The following PHACTR3 variants were observed in gnomAD, a reference collection of about 807,000 sequenced individuals.
PHACTR3 encodes protein phosphatase 1, regulatory subunit 123.
In PHACTR3, 16 loss-of-function variants were observed where a neutral mutation model predicts 66.8. That is an observed-to-expected ratio of 0.24 (90% CI 0.16 to 0.36). PHACTR3 has a LOEUF of 0.36. PHACTR3 is among the 10% of genes least tolerant of loss of function. The probability of loss-of-function intolerance (pLI) is 1.00; values close to 1 mark genes in which losing one functional copy is unlikely to be tolerated. For missense variants in PHACTR3, 647 were observed against 719.9 expected (o/e 0.90, Z 1.16); for synonymous variants, 323 against 292.1 (o/e 1.11, Z -1.08).
intron 7 of PHACTR3, among the ~76,000 whole-genome samples, chr20:59,775,408 A>G (rs1476523092): frequency 2.0e-5 from 3 of 152,246 alleles, no homozygotes; most frequent in Middle Eastern, 3.4e-3. Context: ...GGGAGCAGGA[A>G]AGGGCATCAG....
In PHACTR3 at chr20:59,740,446, C is replaced by T. The variant is rs2039112235; in HGVS notation, c.119-2661C>T. On this transcript the variant is annotated intron_variant, in intron 1 of 12. Transcript: ENST00000371015. ...GTCTCCGACTCTTAAGTAGCATGCACCACCATGCCTGGGGAATTTCCAAAA... is the reference window on the plus strand; with the variant it reads ...GTCTCCGACTCTTAAGTAGCATGCATCACCATGCCTGGGGAATTTCCAAAA... 1.3e-5 allele frequency among the ~76,000 whole-genome samples: 2 copies of T among 152,004 alleles called. 1 individual carries two copies. Among genetic ancestry groups the T allele is most frequent in the Non-Finnish European group, 2.9e-5 (2 of 67,962 alleles).
rs2038959115 is a variant in PHACTR3 at position 59,736,699 on chromosome 20, G to A, written c.119-6408G>A. On this transcript the variant is annotated intron_variant, in intron 1 of 12. Transcript: ENST00000371015. This position sits in a 1 kb window ranked among gnomAD's most constrained non-coding sequence, Gnocchi z 4.6. ...ACCACACCTGCCCCGCTGTACACCT[G>A]CAGTGATGGGCTCATGTCCTCTGCC... Among the ~76,000 whole-genome samples, 1 of 152,182 alleles carries A rather than the reference G, an allele frequency of 6.6e-6. No individual in the cohort carries two copies. Among genetic ancestry groups the A allele is most frequent in the African/African-American group, 2.4e-5 (1 of 41,456 alleles).
intron 4 of PHACTR3, among the ~76,000 whole-genome samples, 188 bp from the exon 5 acceptor site, chr20:59,766,998 T>C (rs1013630228): frequency 2.6e-5 from 4 of 152,206 alleles, no homozygotes; most frequent in African/African-American, 9.6e-5. Flanking sequence ...CCTCTCTCCA[T>C]ATTCCTCTCT....
Position 59,755,244 on chromosome 20 carries a change from A to G in PHACTR3, c.421A>G (p.Thr141Ala). ...GPRSVQSEPP[T>A]PKSETLTSED... is the part of the protein sequence containing the mutation. ...CCGATCTGTACAGAGTGAACCACCCACTCCCAAGTCGGAGACGCTGACTTC... is the reference window on the plus strand; with the variant it reads ...CCGATCTGTACAGAGTGAACCACCCGCTCCCAAGTCGGAGACGCTGACTTC... The change falls in exon 4 of 13, where the codon ACT becomes GCT. Residue 141 changes from threonine (T) to alanine (A), a missense_variant. Around this residue, in one of 2 missense-constraint regions of PHACTR3, gnomAD observed 577 missense variants for 571.1 expected, o/e 1.01. Transcript: ENST00000371015. 6.2e-7 allele frequency: 1 copy of G among 1,613,872 alleles called. No homozygotes were observed. Among genetic ancestry groups the G allele is most frequent in the Non-Finnish European group, 8.5e-7 (1 of 1,180,020 alleles).
chr20:59,847,168 G>A lies in PHACTR3; in HGVS notation c.*38G>A. ...GAGAAGAATTTGTGTTTAATTTTTTGATACCAACACTGAACATTCATCAGG... is the reference window on the plus strand; with the variant it reads ...GAGAAGAATTTGTGTTTAATTTTTTAATACCAACACTGAACATTCATCAGG... On this transcript the variant is annotated 3_prime_UTR_variant, in exon 13 of 13. Transcript: ENST00000371015. The A allele has an allele frequency of 6.8e-7, 1 of 1,462,902 alleles. No individual in the cohort carries two copies. The allele number at this position is 1,462,902 out of a possible 1,614,324, so 90.6% of individuals were successfully genotyped here.
At chr20:59,767,479 C>A in intron 5 of PHACTR3, 84 bp downstream of exon 5, 2 of 1,401,380 alleles carry the variant, frequency 1.4e-6, no homozygotes, top group Admixed American at 2.0e-5. Context: ...ACCCATCCAT[C>A]ATCTATCTAT....
At chr20:59,615,642 G>A (rs764669316) in intron 1 of PHACTR3, among the ~76,000 whole-genome samples, 20 of 152,158 alleles carry the variant, frequency 1.3e-4, no homozygotes, top group African/African-American at 2.2e-4. Flanking sequence ...TGGCAGGGTC[G>A]AAGGTCCAGG....
chr20:59,835,909 C>G (rs1229855380), intron 8 of PHACTR3: 1 of 152,318 alleles, frequency 6.6e-6, no homozygotes, highest in Non-Finnish European at 1.5e-5. Context: ...TGCTTGCTGA[C>G]AAGAGGCGGG....
intron 4 of PHACTR3, among the ~76,000 whole-genome samples, chr20:59,759,232 G>A (rs909545058): frequency 1.3e-5 from 2 of 152,160 alleles, no homozygotes; most frequent in Non-Finnish European, 2.9e-5. Flanking sequence ...GGGACCCTGC[G>A]CCAGGGACAT....
intron 1 of PHACTR3, among the ~76,000 whole-genome samples, chr20:59,641,244 GTCTC>G (rs780455331): frequency 2.6e-4 from 40 of 151,822 alleles, no homozygotes; most frequent in Admixed American, 5.9e-4. Flanking sequence ...ATGTATGTAT[GTCTC>G]TCTCTCTCTA....
rs1444634588 is a variant in PHACTR3 at position 59,840,406 on chromosome 20, A to T, written c.1422A>T (p.Glu474Asp). The T allele has an allele frequency of 6.2e-7, 1 of 1,613,386 alleles. No individual in the cohort carries two copies. The highest frequency in any genetic ancestry group is 8.5e-7 in the Non-Finnish European group (1 of 1,179,432). Residue 474 changes from glutamate (E) to aspartate (D), a missense_variant, in exon 10 of 13, where the codon GAA (glutamate) becomes GAT (aspartate). Glu to Asp is a conservative substitution (Grantham distance 45, BLOSUM62 2). Coordinates refer to ENST00000371015, the MANE Select transcript of PHACTR3 (RefSeq NM_080672.5). Reference protein sequence around the residue: ...NDQTEQEERREIKQRLTRKLN... With the variant: ...NDQTEQEERRDIKQRLTRKLN... ...AGACAGAGCAGGAAGAAAGAAGAGA[A>T]ATCAAGCAAAGATTGACAAGAAAGG...
In PHACTR3 at chr20:59,841,193, G is replaced by T. The variant is rs1209014005; in HGVS notation, c.1447-202G>T. 3.9e-5 allele frequency among the ~76,000 whole-genome samples: 6 copies of T among 152,238 alleles called. No individual in the cohort carries two copies. The East Asian group carries it at 9.7e-4, about 25-fold the overall frequency. ...TGACTCCTTCTGATAAAATATGTTG[G>T]AGGAAGGGGGATTGTGATTTAAGAG... On this transcript the variant is annotated intron_variant, in intron 10 of 12. Coordinates refer to ENST00000371015, the MANE Select transcript of PHACTR3 (RefSeq NM_080672.5).
chr20:59,584,854 CTTA>C (rs1043463497), intron 1 of PHACTR3, among the ~76,000 whole-genome samples: 3 of 152,322 alleles, frequency 2.0e-5, no homozygotes, highest in Admixed American at 1.3e-4. Context: ...CCTGTAAGCT[CTTA>C]TTGTCCAAAT....
intron 1 of PHACTR3, among the ~76,000 whole-genome samples, chr20:59,587,224 TAG>T (rs764981758): frequency 6.6e-6 from 1 of 152,186 alleles, no homozygotes; most frequent in African/African-American, 2.4e-5. Context: ...TTCCCTTTGT[TAG>T]AGTCTTGAGT....
At chr20:59,683,972 G>A (rs1200731029) in intron 1 of PHACTR3, among the ~76,000 whole-genome samples, 1 of 152,190 alleles carries the variant, frequency 6.6e-6, no homozygotes, top group African/African-American at 2.4e-5. Context: ...TTTCTGAAAG[G>A]CAAACTGCAA....
At chr20:59,644,535 G>T (rs1267759908) in intron 1 of PHACTR3, among the ~76,000 whole-genome samples, 1 of 152,162 alleles carries the variant, frequency 6.6e-6, no homozygotes, top group East Asian at 1.9e-4. Context: ...GGGACTCCAG[G>T]GTCTAGCACT....
chr20:59,652,715 G>A (rs751381016), intron 1 of PHACTR3, among the ~76,000 whole-genome samples: 4 of 151,104 alleles, frequency 2.6e-5, no homozygotes, highest in Admixed American at 6.6e-5. Context: ...TTTTTTCATC[G>A]AGATTAGCAT....
chr20:59,623,680 G>T (rs953646429), intron 1 of PHACTR3, among the ~76,000 whole-genome samples: 6 of 152,176 alleles, frequency 3.9e-5, no homozygotes, highest in African/African-American at 1.4e-4. Context: ...CCAGATGAAG[G>T]TGGGGTGGGG....
intron 1 of PHACTR3, among the ~76,000 whole-genome samples, chr20:59,671,656 A>T (rs541941667): frequency 2.6e-5 from 4 of 152,318 alleles, no homozygotes; most frequent in African/African-American, 9.6e-5. Context: ...TTGCCAGGCT[A>T]GAGGGTTCAT....
Sources: allele counts gnomAD v4.1 joint callset (sites outside exome capture counted in the v4.1 genomes callset), GRCh38; gene constraint gnomAD v4.1.1; regional missense constraint gnomAD v4.1.1; non-coding constraint Gnocchi (gnomAD v3.1); transcripts MANE v1.5; gene names NCBI Gene and HGNC (gene_info 2026-07-23, HGNC 2026-07-21).